SP2: variants seen among roughly 807,000 people sequenced by gnomAD.
SP2 encodes the protein transcription factor Sp2.
In SP2, 9 loss-of-function variants were observed where a neutral mutation model predicts 50.1. The observed-to-expected ratio is 0.18, with a 90% CI of 0.11 to 0.31. The LOEUF (loss-of-function observed/expected upper bound fraction) is 0.31. Among genes scored for constraint, SP2 ranks in the 10% least tolerant of loss-of-function variants. The pLI is 1.00. For missense variants in SP2, 581 were observed against 806.5 expected (o/e 0.72, Z 3.39); for synonymous variants, 313 against 326.6 (o/e 0.96, Z 0.45).
chr17:47,922,195 A>T (rs1241600560), intron 3 of SP2, among the ~76,000 whole-genome samples: 1 of 152,032 alleles, frequency 6.6e-6, no homozygotes, highest in Non-Finnish European at 1.5e-5. Context: ...CACAGCCATT[A>T]GCTCTCCCAT....
chr17:47,906,304 T>C (rs2034759679), intron 1 of SP2, among the ~76,000 whole-genome samples: 1 of 152,106 alleles, frequency 6.6e-6, no homozygotes, highest in Non-Finnish European at 1.5e-5. Flanking sequence ...TTTGTCCTGA[T>C]TGGAGATACC....
intron 1 of SP2, among the ~76,000 whole-genome samples, chr17:47,904,032 A>G (rs1361596267): frequency 6.6e-6 from 1 of 150,996 alleles, no homozygotes; most frequent in African/African-American, 2.4e-5. Context: ...GGAGGCTGAG[A>G]CTGGCGGATC....
At chr17:47,910,522 A>G (rs947788636) in intron 1 of SP2, among the ~76,000 whole-genome samples, 1 of 152,250 alleles carries the variant, frequency 6.6e-6, no homozygotes, top group African/African-American at 2.4e-5. Flanking sequence ...TTATATGAAC[A>G]TGAATCTGTG....
At chr17:47,909,636 G>C (rs914740629) in intron 1 of SP2, 78 of 884,080 alleles carry the variant, frequency 8.8e-5, no homozygotes, top group Non-Finnish European at 9.9e-5. Flanking sequence ...AGAAATCCTA[G>C]AAGGATGACA....
rs1325630211 is a variant in SP2 at position 47,915,239 on chromosome 17, A to T, written c.8-73A>T. The T allele has an allele frequency of 5.5e-6, 6 of 1,099,298 alleles. No homozygotes were observed. The South Asian group carries it at 5.9e-5, about 11-fold the overall frequency. 68.1% of individuals were successfully genotyped at this position (1,099,298 alleles called of 1,614,324 possible). Reference sequence around the variant, plus strand: ...CAAAAAAAAAAAAATAGAAAAAAAGAAAATCTGAGGCAAGTGGGCTTGCGT... The same window carrying T: ...CAAAAAAAAAAAAATAGAAAAAAAGTAAATCTGAGGCAAGTGGGCTTGCGT... On this transcript the variant is annotated intron_variant, in intron 1 of 6. Transcript: ENST00000376741.
At position 47,904,363 on chromosome 17, in the gene SP2, T is replaced by C. The variant is rs1265376335; in HGVS notation, c.7+8070T>C. Among the ~76,000 whole-genome samples, 3 of 149,944 alleles carry C rather than the reference T, an allele frequency of 2.0e-5. No individual in the cohort carries two copies. In the Admixed American group the frequency reaches 2.0e-4, roughly 10 times the overall value. Reference sequence around the variant, plus strand: ...GTTTTCGTGGCATGCATGAGGAGGGTGCAGCCTGGTTGGAGCAGGTTTAAG... The same window carrying C: ...GTTTTCGTGGCATGCATGAGGAGGGCGCAGCCTGGTTGGAGCAGGTTTAAG... On this transcript the variant is annotated intron_variant, in intron 1 of 6. Transcript: ENST00000376741.
intron 4 of SP2, 38 bp from the exon 5 acceptor site, chr17:47,924,881 T>C (rs2035586914): frequency 6.5e-7 from 1 of 1,532,468 alleles, no homozygotes; most frequent in African/African-American, 1.4e-5. Context: ...GGTTTCAGGC[T>C]TCCTCACCCT....
At chr17:47,924,276 C>T (rs1438117909) in intron 4 of SP2, among the ~76,000 whole-genome samples, 1 of 152,030 alleles carries the variant, frequency 6.6e-6, no homozygotes, top group Non-Finnish European at 1.5e-5. Flanking sequence ...GCTGGGACTA[C>T]AGGCATGTAG....
intron 6 of SP2, among the ~76,000 whole-genome samples, chr17:47,926,314 TG>T: frequency 8.5e-6 from 1 of 117,434 alleles, no homozygotes; most frequent in African/African-American, 3.4e-5. Context: ...CATGGCTTTT[TG>T]TTTTTTTTTT....
intron 1 of SP2, among the ~76,000 whole-genome samples, chr17:47,913,596 CG>C (rs2035074785): frequency 6.6e-6 from 1 of 152,006 alleles, no homozygotes; most frequent in Non-Finnish European, 1.5e-5. Context: ...TTATTAGGGA[CG>C]GGGTCTAACT....
At chr17:47,900,004 T>C (rs1367671837) in intron 1 of SP2, 2 of 152,258 alleles carry the variant, frequency 1.3e-5, no homozygotes, top group African/African-American at 4.8e-5. Context: ...CACATCAGAA[T>C]TGCTTGCTAT....
chr17:47,929,115 G>A (rs1482595445), downstream of SP2, among the ~76,000 whole-genome samples: 1 of 152,248 alleles, frequency 6.6e-6, no homozygotes, highest in Non-Finnish European at 1.5e-5. Context: ...CCCAAAAGGG[G>A]CCGCGGCCAC....
At chr17:47,923,893 G>C (rs905119878) in intron 4 of SP2, among the ~76,000 whole-genome samples, 4 of 152,036 alleles carry the variant, frequency 2.6e-5, no homozygotes, top group Non-Finnish European at 5.9e-5. Context: ...GTAGAGATGG[G>C]GTTTCACCGT....
chr17:47,922,323 T>C (rs1294445899), intron 3 of SP2, among the ~76,000 whole-genome samples: 2 of 152,190 alleles, frequency 1.3e-5, no homozygotes, highest in African/African-American at 4.8e-5. Context: ...TTTAAGGTTT[T>C]TGATACATAT....
downstream of SP2, among the ~76,000 whole-genome samples, chr17:47,931,654 AAAG>A (rs1166708731): frequency 2.0e-5 from 3 of 152,204 alleles, no homozygotes; most frequent in East Asian, 5.8e-4. Context: ...AAATTGGGCC[AAAG>A]AAGTTAAGCT....
intron 3 of SP2, among the ~76,000 whole-genome samples, chr17:47,920,146 C>G (rs535937081): frequency 6.6e-5 from 10 of 151,236 alleles, no homozygotes; most frequent in Admixed American, 3.3e-4. Context: ...CAGGTCGGCT[C>G]TTTTTTTCTC....
intron 3 of SP2, among the ~76,000 whole-genome samples, chr17:47,920,015 T>G (rs1329895331): frequency 6.6e-6 from 1 of 151,584 alleles, no homozygotes; most frequent in Non-Finnish European, 1.5e-5. Context: ...TTTTTTTGTA[T>G]TTTTAGTAGA....
chr17:47,902,028 A>T (rs1293498697), intron 1 of SP2, among the ~76,000 whole-genome samples: 1 of 152,140 alleles, frequency 6.6e-6, no homozygotes, highest in Non-Finnish European at 1.5e-5. Context: ...CAAAATGAGG[A>T]TAAGGTAAAA....
intron 1 of SP2, chr17:47,897,874 T>A (rs2034401081): frequency 1.0e-6 from 1 of 985,178 alleles, no homozygotes; most frequent in South Asian, 4.7e-5. Context: ...TCCAGTGGCT[T>A]CTAACAGGCG....
Sources: gnomAD v4.1 joint callset for allele counts (sites outside exome capture counted in the v4.1 genomes callset) on GRCh38, gnomAD v4.1.1 for gene constraint, MANE v1.5 for transcripts, NCBI Gene and HGNC (gene_info 2026-07-23, HGNC 2026-07-21) for gene names.